Variants in KIRREL3 observed in about 807,000 individuals in gnomAD.
The protein encoded by KIRREL3 is kirre like nephrin family adhesion molecule 3.
Under a neutral mutation model 89.7 loss-of-function variants are expected in KIRREL3, and 36 were observed. The observed-to-expected ratio is 0.40, with a 90% CI of 0.31 to 0.53. KIRREL3 has a LOEUF of 0.53. Among genes scored for constraint, KIRREL3 ranks in the 20% least tolerant of loss-of-function variants. The probability of loss-of-function intolerance (pLI) is 0.49; values close to 1 mark genes in which losing one functional copy is unlikely to be tolerated. For missense variants in KIRREL3, 864 were observed against 1,056.6 expected, an observed-to-expected ratio of 0.82 and a Z score of 2.53; for synonymous variants, 445 against 441.4, an observed-to-expected ratio of 1.01 and a Z score of -0.10.
rs1283919858 is a variant in KIRREL3, at chr11:126,740,610, G to A, written c.56-177698C>T. Among the ~76,000 whole-genome samples the A allele has an allele frequency of 2.0e-5, 3 of 152,090 alleles. No individual in the cohort carries two copies. Among genetic ancestry groups the A allele is most frequent in the Non-Finnish European group, 2.9e-5 (2 of 68,016 alleles). The stretch of plus-strand genomic sequence containing the variant: ...ATCCCCTTTTGTCTTGAGAGGGAAG[G>A]CCAATAAGATAATAATCCCTTAGCT... On this transcript the variant is annotated intron_variant, in intron 1 of 16. Coordinates refer to ENST00000525144, the MANE Select transcript of KIRREL3 (RefSeq NM_032531.4). The surrounding 1 kb of genome is among the most constrained non-coding windows in gnomAD (Gnocchi z 6.0).
chr11:126,925,950 G>T (rs1222608280), intron 1 of KIRREL3, among the ~76,000 whole-genome samples: 2 of 152,204 alleles, frequency 1.3e-5, no homozygotes, highest in Non-Finnish European at 2.9e-5. Context: ...AGACATCTGT[G>T]TCCTATCCAG....
rs1441792752 is a variant in KIRREL3 at position 126,641,521 on chromosome 11, C to T, written c.56-78609G>A. 6.6e-6 allele frequency among the ~76,000 whole-genome samples: 1 copy of T among 152,094 alleles called. No homozygotes were observed. Among genetic ancestry groups the T allele is most frequent in the Non-Finnish European group, 1.5e-5 (1 of 68,028 alleles). The stretch of plus-strand genomic sequence containing the variant: ...ACAGGAAGGGAGAAAATTGCTATTA[C>T]CACCTAGACTGTGAGCAAATAACAT... On this transcript the variant is annotated intron_variant, in intron 1 of 16. Transcript: ENST00000525144. The surrounding 1 kb of genome is among the most constrained non-coding windows in gnomAD (Gnocchi z 5.0).
intron 16 of KIRREL3, 140 bp downstream of exon 16, chr11:126,425,498 A>G: frequency 1.4e-6 from 1 of 716,664 alleles, no homozygotes; most frequent in Admixed American, 2.3e-5. Context: ...TTAGGCAGGG[A>G]CGGGCACCTG....
At chr11:126,670,448 G>T (rs1479229064) in intron 1 of KIRREL3, among the ~76,000 whole-genome samples, 1 of 152,168 alleles carries the variant, frequency 6.6e-6, no homozygotes, top group African/African-American at 2.4e-5. Flanking sequence ...GGAAGTCCTA[G>T]CTTAGTGCAA....
Position 126,896,021 on chromosome 11 carries a change from G to T in KIRREL3, c.55+104434C>A, listed in dbSNP as rs1328136979. Among the ~76,000 whole-genome samples the T allele has an allele frequency of 1.3e-5, 2 of 152,196 alleles. No individual in the cohort carries two copies. Among genetic ancestry groups the T allele is most frequent in the African/African-American group, 4.8e-5 (2 of 41,436 alleles). On this transcript the variant is annotated intron_variant, in intron 1 of 16. Transcript: ENST00000525144. This position sits in a 1 kb window ranked among gnomAD's most constrained non-coding sequence, Gnocchi z 4.1. ...GTGCATTTGTAATAGACAACAAAAG[G>T]ATTATCCCCCATTCATTTCAAAGCA... is the stretch of plus-strand genomic sequence containing the variant.
Position 126,802,466 on chromosome 11 carries a change from G to A in KIRREL3, c.55+197989C>T, listed in dbSNP as rs10893571. Among the ~76,000 whole-genome samples the A allele has an allele frequency of 0.23, 34,243 of 152,014 alleles. 4,461 individuals carry two copies. Among genetic ancestry groups the A allele is most frequent in the East Asian group, 0.46 (2,375 of 5,150 alleles). On this transcript the variant is annotated intron_variant, in intron 1 of 16. Transcript: ENST00000525144. This position sits in a 1 kb window ranked among gnomAD's most constrained non-coding sequence, Gnocchi z 5.2. Reference sequence around the variant, plus strand: ...CAGCTGGGTCCATAGTCTGTGTGGCGTCGTTCTTCTCATGTCTGCGTGGAT... The same window carrying A: ...CAGCTGGGTCCATAGTCTGTGTGGCATCGTTCTTCTCATGTCTGCGTGGAT...
chr11:126,819,560 T>C (rs1347525838), intron 1 of KIRREL3, among the ~76,000 whole-genome samples: 3 of 152,202 alleles, frequency 2.0e-5, no homozygotes, highest in Admixed American at 6.5e-5. Flanking sequence ...CCACCCCAAT[T>C]AAGAGCACGT....
In KIRREL3 at chr11:126,993,132, A is replaced by G. The variant is rs949315776; in HGVS notation, c.55+7323T>C. 6.6e-6 allele frequency among the ~76,000 whole-genome samples: 1 copy of G among 152,242 alleles called. No individual in the cohort carries two copies. Among genetic ancestry groups the G allele is most frequent in the Admixed American group, 6.5e-5 (1 of 15,288 alleles). ...TGAAACACAAGAAATACCAAGAAGT[A>G]AAAATAACATGTTGATCCCTAAACC... On this transcript the variant is annotated intron_variant, in intron 1 of 16. Transcript: ENST00000525144. This position sits in a 1 kb window ranked among gnomAD's most constrained non-coding sequence, Gnocchi z 6.1.
intron 1 of KIRREL3, among the ~76,000 whole-genome samples, chr11:126,735,563 G>A (rs1315527214): frequency 6.6e-6 from 1 of 152,186 alleles, no homozygotes. Flanking sequence ...AATAATGTGC[G>A]TCGGGGAATT....
Position 126,668,324 on chromosome 11 carries a change from C to G in KIRREL3, c.56-105412G>C, listed in dbSNP as rs1031192112. On this transcript the variant is annotated intron_variant, in intron 1 of 16. Transcript: ENST00000525144. This position sits in a 1 kb window ranked among gnomAD's most constrained non-coding sequence, Gnocchi z 4.4. ...CCATTCATGAACTCCGTTTTCATGACCTAATCACCTCCCAAAGGCCTCACC... is the reference window on the plus strand; with the variant it reads ...CCATTCATGAACTCCGTTTTCATGAGCTAATCACCTCCCAAAGGCCTCACC... 1.3e-5 allele frequency among the ~76,000 whole-genome samples: 2 copies of G among 152,270 alleles called. No homozygotes were observed. The highest frequency in any genetic ancestry group is 6.5e-5 in the Admixed American group (1 of 15,298).
In KIRREL3 at chr11:126,761,793, C is replaced by T. The variant is rs1016605668; in HGVS notation, c.56-198881G>A. Among the ~76,000 whole-genome samples the T allele has an allele frequency of 2.6e-5, 4 of 152,166 alleles. No individual in the cohort carries two copies. Among genetic ancestry groups the T allele is most frequent in the Non-Finnish European group, 5.9e-5 (4 of 68,030 alleles). On this transcript the variant is annotated intron_variant, in intron 1 of 16. Transcript: ENST00000525144. This position sits in a 1 kb window ranked among gnomAD's most constrained non-coding sequence, Gnocchi z 4.4. ...GTTTGTCTTGGTTTTATCTTCATTC[C>T]TATGAACTCTCTTGGGAAGAAGTCT...
rs1950169777 is a variant in KIRREL3, at chr11:126,776,394, C to T, written c.56-213482G>A. 6.6e-6 allele frequency among the ~76,000 whole-genome samples: 1 copy of T among 152,164 alleles called. No homozygotes were observed. The highest frequency in any genetic ancestry group is 6.5e-5 in the Admixed American group (1 of 15,284). On this transcript the variant is annotated intron_variant, in intron 1 of 16. Coordinates refer to ENST00000525144, the MANE Select transcript of KIRREL3 (RefSeq NM_032531.4). This position sits in a 1 kb window ranked among gnomAD's most constrained non-coding sequence, Gnocchi z 4.7. ...CGCAAGTCATGAAACCTCACTGAAC[C>T]AGTTTCCCATTGGTAAATGTGCTGA...
chr11:126,679,655 T>C (rs138338647), intron 1 of KIRREL3, among the ~76,000 whole-genome samples: 82 of 152,336 alleles, frequency 5.4e-4, no homozygotes, highest in African/African-American at 1.8e-3. Context: ...TGAGTGTTAC[T>C]TAAAGTCTGG....
intron 1 of KIRREL3, among the ~76,000 whole-genome samples, chr11:126,581,427 C>T (rs1462602090): frequency 1.3e-5 from 2 of 151,430 alleles, no homozygotes; most frequent in East Asian, 3.9e-4. Context: ...GTCATAAACT[C>T]CTGACCTCAG....
At chr11:126,846,640 C>T (rs568674289) in intron 1 of KIRREL3, among the ~76,000 whole-genome samples, 16 of 141,552 alleles carry the variant, frequency 1.1e-4, no homozygotes, top group South Asian at 2.4e-4. Flanking sequence ...CATTGTGACA[C>T]GTATTTGAGA....
intron 8 of KIRREL3, 105 bp downstream of exon 8, chr11:126,448,904 T>C: frequency 8.2e-7 from 1 of 1,217,418 alleles, no homozygotes; most frequent in Middle Eastern, 2.0e-4. Context: ...TCATGACGCA[T>C]GAAGCTTGTG....
intron 1 of KIRREL3, among the ~76,000 whole-genome samples, chr11:126,762,569 T>A (rs908064937): frequency 2.6e-5 from 4 of 152,218 alleles, no homozygotes; most frequent in African/African-American, 7.2e-5. Flanking sequence ...GCCTTTCCCA[T>A]CTGTTTCTCA....
intron 1 of KIRREL3, among the ~76,000 whole-genome samples, chr11:126,941,107 T>C (rs1565443680): frequency 1.3e-5 from 2 of 152,218 alleles, no homozygotes; most frequent in Admixed American, 6.5e-5. Context: ...CAATTGAGCA[T>C]TCTTGTGTGA....
At position 126,715,674 on chromosome 11, in the gene KIRREL3, A is replaced by G. The variant is rs1592008384; in HGVS notation, c.56-152762T>C. The stretch of plus-strand genomic sequence containing the variant: ...GTGAAACATACTAAAGAGAAGAGCA[A>G]AAATGAGATTAGAAATAAAAGAAGG... On this transcript the variant is annotated intron_variant, in intron 1 of 16. Transcript: ENST00000525144. This position sits in a 1 kb window ranked among gnomAD's most constrained non-coding sequence, Gnocchi z 4.4. Among the ~76,000 whole-genome samples, 1 of 152,354 alleles carries G rather than the reference A, an allele frequency of 6.6e-6. No individual in the cohort carries two copies. Among genetic ancestry groups the G allele is most frequent in the East Asian group, 1.9e-4 (1 of 5,192 alleles).
Sources: allele counts gnomAD v4.1 joint callset (sites outside exome capture counted in the v4.1 genomes callset), GRCh38; gene constraint gnomAD v4.1.1; non-coding constraint Gnocchi (gnomAD v3.1); transcripts MANE v1.5; gene names NCBI Gene and HGNC (gene_info 2026-07-23, HGNC 2026-07-21).